Variants in ZC3H12A observed in about 807,000 individuals in gnomAD.
The protein encoded by ZC3H12A is endoribonuclease ZC3H12A.
Under a neutral mutation model 29.9 loss-of-function variants are expected in ZC3H12A, and 9 were observed. The observed-to-expected ratio is 0.30, with a 90% CI of 0.18 to 0.53. ZC3H12A has a LOEUF of 0.53. Among genes scored for constraint, ZC3H12A ranks in the 20% least tolerant of loss-of-function variants. The pLI is 0.96. For synonymous variants in ZC3H12A, 323 were observed against 338.1 expected (o/e 0.96, Z 0.49); for missense variants, 617 against 799.0 (o/e 0.77, Z 2.75).
chr1:37,476,284 C>T lies in ZC3H12A; in HGVS notation c.443+345C>T, dbSNP rs1641589428. Among the ~76,000 whole-genome samples, 4 of 152,220 alleles carry T rather than the reference C, an allele frequency of 2.6e-5. No homozygotes were observed. The South Asian group carries it at 8.3e-4, about 32-fold the overall frequency. ...CAGCTGCTCACTCACCCCTCGGAAC[C>T]TGATCTCAGGTGGGTGTTGTGAGGA... On this transcript the variant is annotated intron_variant, in intron 2 of 5. Coordinates refer to ENST00000373087, the MANE Select transcript of ZC3H12A (RefSeq NM_025079.3). This position sits in a 1 kb window ranked among gnomAD's most constrained non-coding sequence, Gnocchi z 6.0.
At chr1:37,480,525 A>T in intron 3 of ZC3H12A, 96 bp downstream of exon 3, 1 of 1,450,924 alleles carries the variant, frequency 6.9e-7, no homozygotes, top group African/African-American at 1.4e-5. Flanking sequence ...CAACTTCTAG[A>T]ACTCAAGCAG....
rs1031759158 is a variant in ZC3H12A at position 37,475,533 on chromosome 1, G to A, written c.37G>A (p.Ala13Thr). The A allele has an allele frequency of 2.5e-6, 4 of 1,612,642 alleles. No homozygotes were observed. The highest frequency in any genetic ancestry group is 1.3e-5 in the African/African-American group (1 of 75,002). Residue 13 changes from alanine to threonine, a missense_variant, in exon 2 of 6, where the codon GCC becomes ACC. By Grantham distance (58) the Ala-to-Thr change is moderately conservative. Around this residue, in one of 5 missense-constraint regions of ZC3H12A, gnomAD observed 67 missense variants for 56.2 expected, o/e 1.19. Transcript: ENST00000373087. This position sits in a 1 kb window ranked among gnomAD's most constrained non-coding sequence, Gnocchi z 5.2. The part of the protein sequence containing the change: ...GPCGEKPVLE[A>T]SPTMSLWEFE... Reference sequence around the variant, plus strand: ...CTGTGGAGAGAAGCCTGTCCTGGAAGCCAGCCCCACCATGAGTCTGTGGGA... The same window carrying A: ...CTGTGGAGAGAAGCCTGTCCTGGAAACCAGCCCCACCATGAGTCTGTGGGA...
chr1:37,475,387 G>T lies in ZC3H12A; in HGVS notation c.-38-72G>T. 1 of 1,209,748 alleles carries T rather than the reference G, an allele frequency of 8.3e-7. No homozygotes were observed. Among genetic ancestry groups the T allele is most frequent in the Non-Finnish European group, 1.2e-6 (1 of 867,592 alleles). The allele number at this position is 1,209,748 out of a possible 1,614,324, so 74.9% of individuals were successfully genotyped here. A position where few individuals can be genotyped will look rare whatever the true frequency, so the allele number is the denominator to read the frequency against. ...TGTAGTGCCACCAATCCCTCATCCTGCTGGATGTGGTTTTGGGAGGGAGGT... is the reference window on the plus strand; with the variant it reads ...TGTAGTGCCACCAATCCCTCATCCTTCTGGATGTGGTTTTGGGAGGGAGGT... On this transcript the variant is annotated intron_variant, in intron 1 of 5. Coordinates refer to ENST00000373087, the MANE Select transcript of ZC3H12A (RefSeq NM_025079.3). The surrounding 1 kb of genome is among the most constrained non-coding windows in gnomAD (Gnocchi z 5.2).
At chr1:37,482,685 T>G (rs755565003) in intron 5 of ZC3H12A, 52 bp from the exon 6 acceptor site, 1 of 1,612,146 alleles carries the variant, frequency 6.2e-7, no homozygotes, top group Non-Finnish European at 8.5e-7. Flanking sequence ...CCTGCTCTCA[T>G]CCCTGGTTCT....
At position 37,483,069 on chromosome 1, in the gene ZC3H12A, TGGCTC is replaced by T. The variant is rs1158693028; in HGVS notation, c.1259_1263del (p.Trp420SerfsTer39). The T allele has an allele frequency of 3.7e-6, 6 of 1,609,594 alleles. No individual in the cohort carries two copies. The African/African-American group carries it at 8.0e-5, about 22-fold the overall frequency. On this transcript the variant is annotated frameshift_variant, in exon 6 of 6. Coordinates refer to ENST00000373087, the MANE Select transcript of ZC3H12A (RefSeq NM_025079.3). LOFTEE classifies it low-confidence loss of function (END_TRUNC). ...TGGCAGCAGCTTTGGGCCCACAGAC[TGGCTC>T]CCACAGACGCTGGACTCACTCCCGT...
chr1:37,483,946 T>G lies in ZC3H12A; in HGVS notation c.*335T>G, dbSNP rs1569932013. 1.6e-5 allele frequency: 4 copies of G among 256,242 alleles called. No individual in the cohort carries two copies. In the Admixed American group the frequency reaches 1.9e-4, roughly 12 times the overall value. The allele number at this position is 256,242 out of a possible 1,614,324, so 15.9% of individuals were successfully genotyped here. A position where few individuals can be genotyped will look rare whatever the true frequency, so the allele number is the denominator to read the frequency against. On this transcript the variant is annotated 3_prime_UTR_variant, in exon 6 of 6. Transcript: ENST00000373087. ...TTCTCTCAGAGGGTGGGGAGGGAGG[T>G]GGGGGCAGCAGAGGCCTGGGCTGGG...
chr1:37,480,093 C>T (rs1469209342), intron 2 of ZC3H12A, 197 bp from the exon 3 acceptor site: 4 of 1,299,414 alleles, frequency 3.1e-6, no homozygotes, highest in Non-Finnish European at 3.9e-6. Flanking sequence ...TGGCCTTGGG[C>T]CCCACCTGCA....
intron 1 of ZC3H12A, 48 bp downstream of exon 1, chr1:37,474,677 G>A (rs1207594863): frequency 6.6e-6 from 1 of 151,466 alleles, no homozygotes; most frequent in Non-Finnish European, 1.5e-5. Flanking sequence ...AAGCGGCAGG[G>A]AGCGCTCCGG....
At chr1:37,477,784 C>T (rs1219641315) in intron 2 of ZC3H12A, among the ~76,000 whole-genome samples, 2 of 152,172 alleles carry the variant, frequency 1.3e-5, no homozygotes, top group South Asian at 4.1e-4. Flanking sequence ...GTGCCAGCAG[C>T]GCTTCCTCCA....
chr1:37,481,181 G>A (rs538568880), intron 3 of ZC3H12A, among the ~76,000 whole-genome samples: 3 of 152,272 alleles, frequency 2.0e-5, no homozygotes, highest in South Asian at 4.1e-4. Context: ...GGGATTTAGC[G>A]ACCTTGTCCT....
Position 37,478,887 on chromosome 1 carries a change from A to G in ZC3H12A, c.444-1403A>G. The G allele has an allele frequency of 1.0e-6, 1 of 985,402 alleles. No individual in the cohort carries two copies. The highest frequency in any genetic ancestry group is 1.2e-6 in the Non-Finnish European group (1 of 829,922). The allele number at this position is 985,402 out of a possible 1,614,324, so 61.0% of individuals were successfully genotyped here. Reference sequence around the variant, plus strand: ...GGCAGATGTGGCAGAGGGACCGGGAAGGATGAGTGCTGCCCTGGGCTGGAC... The same window carrying G: ...GGCAGATGTGGCAGAGGGACCGGGAGGGATGAGTGCTGCCCTGGGCTGGAC... On this transcript the variant is annotated intron_variant, in intron 2 of 5. Transcript: ENST00000373087. The surrounding 1 kb of genome is among the most constrained non-coding windows in gnomAD (Gnocchi z 5.2).
Position 37,478,883 on chromosome 1 carries a change from G to A in ZC3H12A, c.444-1407G>A, listed in dbSNP as rs561935078. Reference sequence around the variant, plus strand: ...GGCTGGCAGATGTGGCAGAGGGACCGGGAAGGATGAGTGCTGCCCTGGGCT... The same window carrying A: ...GGCTGGCAGATGTGGCAGAGGGACCAGGAAGGATGAGTGCTGCCCTGGGCT... On this transcript the variant is annotated intron_variant, in intron 2 of 5. Transcript: ENST00000373087. This position sits in a 1 kb window ranked among gnomAD's most constrained non-coding sequence, Gnocchi z 5.2. The A allele has an allele frequency of 8.9e-5, 88 of 985,336 alleles. No homozygotes were observed. Among genetic ancestry groups the A allele is most frequent in the Admixed American group, 2.5e-4 (4 of 16,282 alleles). The allele number at this position is 985,336 out of a possible 1,614,324, so 61.0% of individuals were successfully genotyped here.
intron 2 of ZC3H12A, 56 bp from the exon 3 acceptor site, chr1:37,480,234 C>CT: frequency 6.3e-7 from 1 of 1,582,864 alleles, no homozygotes; most frequent in Non-Finnish European, 8.6e-7. Flanking sequence ...CTGCTCAGGC[C>CT]TAGGGGGTGG....
At position 37,479,764 on chromosome 1, in the gene ZC3H12A, C is replaced by G. The variant is rs1569922812; in HGVS notation, c.444-526C>G. The G allele has an allele frequency of 1.0e-6, 1 of 985,408 alleles. No individual in the cohort carries two copies. The highest frequency in any genetic ancestry group is 1.7e-5 in the African/African-American group (1 of 57,348). The allele number at this position is 985,408 out of a possible 1,614,324, so 61.0% of individuals were successfully genotyped here. On this transcript the variant is annotated intron_variant, in intron 2 of 5. Transcript: ENST00000373087. This position sits in a 1 kb window ranked among gnomAD's most constrained non-coding sequence, Gnocchi z 4.5. ...AATCCGGAACAATCTGGTTTCTCCT[C>G]GGTCAGCCCAGCCGGTGCTTCCCCC...
Position 37,480,107 on chromosome 1 carries a change from G to C in ZC3H12A, c.444-183G>C, listed in dbSNP as rs923994231. The C allele has an allele frequency of 3.5e-5, 46 of 1,323,992 alleles. No individual in the cohort carries two copies. The South Asian group carries it at 8.0e-4, about 23-fold the overall frequency. 82.0% of individuals were successfully genotyped at this position (1,323,992 alleles called of 1,614,324 possible). A position where few individuals can be genotyped will look rare whatever the true frequency, so the allele number is the denominator to read the frequency against. ...TTGGCCTTGGGCCCCACCTGCAGAG[G>C]GCCAGGGCCTGAGCCCTGGGGAAAG... On this transcript the variant is annotated intron_variant, in intron 2 of 5. Coordinates refer to ENST00000373087, the MANE Select transcript of ZC3H12A (RefSeq NM_025079.3).
Position 37,483,204 on chromosome 1 carries a change from C to A in ZC3H12A, c.1393C>A (p.Arg465=). The part of the protein sequence containing the change: ...GGGPGEPGPP[R]APYTGYSPYG... ...AGGCCCTGGTGAGCCGGGCCCACCC[C>A]GAGCCCCTTACACGGGCTACAGTCC... is the stretch of plus-strand genomic sequence containing the variant. The change falls in exon 6 of 6, where the codon CGA becomes AGA. Residue 465 remains arginine, a synonymous_variant. Transcript: ENST00000373087. 2 of 1,613,574 alleles carry A rather than the reference C, an allele frequency of 1.2e-6. No individual in the cohort carries two copies.
At position 37,482,732 on chromosome 1, in the gene ZC3H12A, T is replaced by G; in HGVS notation, c.926-5T>G. 1.2e-6 allele frequency: 2 copies of G among 1,613,750 alleles called. No individual in the cohort carries two copies. The highest frequency in any genetic ancestry group is 1.7e-6 in the Non-Finnish European group (2 of 1,180,018). Reference sequence around the variant, plus strand: ...GCTTAGAGTCCCTCTTGATTCCTCTTCCAGGAAGGAAATGCACCTATGGGA... The same window carrying G: ...GCTTAGAGTCCCTCTTGATTCCTCTGCCAGGAAGGAAATGCACCTATGGGA... On this transcript the variant is annotated splice_region_variant and splice_polypyrimidine_tract_variant and intron_variant, in intron 5 of 5. Coordinates refer to ENST00000373087, the MANE Select transcript of ZC3H12A (RefSeq NM_025079.3).
In ZC3H12A at chr1:37,479,923, C is replaced by G. The variant is rs1033195177; in HGVS notation, c.444-367C>G. On this transcript the variant is annotated intron_variant, in intron 2 of 5. Coordinates refer to ENST00000373087, the MANE Select transcript of ZC3H12A (RefSeq NM_025079.3). This position sits in a 1 kb window ranked among gnomAD's most constrained non-coding sequence, Gnocchi z 4.5. ...TCTCGCGGCACCTTTCCCCCACCCCCAGGTGTGTTGCAAGTGGCCTGGCCC... is the reference window on the plus strand; with the variant it reads ...TCTCGCGGCACCTTTCCCCCACCCCGAGGTGTGTTGCAAGTGGCCTGGCCC... The G allele has an allele frequency of 9.7e-7, 1 of 1,027,780 alleles. No individual in the cohort carries two copies. Among genetic ancestry groups the G allele is most frequent in the South Asian group, 4.0e-5 (1 of 25,292 alleles). 63.7% of individuals were successfully genotyped at this position (1,027,780 alleles called of 1,614,324 possible).
At position 37,482,514 on chromosome 1, in the gene ZC3H12A, A is replaced by G; in HGVS notation, c.899A>G (p.Glu300Gly). The G allele has an allele frequency of 1.9e-6, 3 of 1,614,024 alleles. No homozygotes were observed. Among genetic ancestry groups the G allele is most frequent in the Non-Finnish European group, 1.7e-6 (2 of 1,179,970 alleles). The change falls in exon 5 of 6, where the codon GAG (glutamate) becomes GGG (glycine). Residue 300 changes from glutamate (E) to glycine (G), a missense_variant. By Grantham distance (98) the Glu-to-Gly change is moderately conservative. This residue lies in a region of ZC3H12A where 255 missense variants were observed against 402.5 expected (regional missense o/e 0.63). Coordinates refer to ENST00000373087, the MANE Select transcript of ZC3H12A (RefSeq NM_025079.3). Reference sequence around the variant, plus strand: ...CTGCGTAAGAAGCCACTCACTTTGGAGCACAGGAAGCAGCCGTGTCCCTAT... The same window carrying G: ...CTGCGTAAGAAGCCACTCACTTTGGGGCACAGGAAGCAGCCGTGTCCCTAT... The part of the protein sequence containing the change: ...NFLRKKPLTL[E>G]HRKQPCPYGR...
Sources: gnomAD v4.1 joint callset for allele counts (sites outside exome capture counted in the v4.1 genomes callset) on GRCh38, gnomAD v4.1.1 for gene constraint, gnomAD v4.1.1 regional missense constraint, Gnocchi (gnomAD v3.1) non-coding constraint, MANE v1.5 for transcripts, NCBI Gene and HGNC (gene_info 2026-07-23, HGNC 2026-07-21) for gene names.